The following PTPMT1 variants were observed in gnomAD, a reference collection of about 807,000 sequenced individuals.
PTPMT1 encodes protein tyrosine phosphatase mitochondrial 1.
A neutral mutation model predicts 17.8 loss-of-function variants in PTPMT1; 12 were observed. The ratio of observed to expected loss-of-function variants is 0.67; its 90% CI spans 0.43 to 1.09. The LOEUF is 1.09. Among genes scored for constraint, PTPMT1 ranks in the 50% least tolerant of loss-of-function variants. The pLI, the probability that PTPMT1 is intolerant of heterozygous loss-of-function variation, is 0.00. For missense variants in PTPMT1, 262 were observed against 266.0 expected, an observed-to-expected ratio of 0.99 and a Z score of 0.10; for synonymous variants, 132 against 116.8, an observed-to-expected ratio of 1.13 and a Z score of -0.84.
Position 47,569,834 on chromosome 11 carries a change from G to A in PTPMT1, c.390G>A (p.Val130=). The A allele has an allele frequency of 6.2e-7, 1 of 1,614,014 alleles. No homozygotes were observed. Among genetic ancestry groups the A allele is most frequent in the Non-Finnish European group, 8.5e-7 (1 of 1,180,022 alleles). ...AGTCGCTGGGCCAGTGTGTTTACGT[G>A]CATTGTAAGGCTGGGCGCTCCAGGA... ...KYQSLGQCVY[V]HCKAGRSRSA... is the part of the protein sequence containing the mutation. Residue 130 remains valine, a synonymous_variant, in exon 3 of 4, where the codon GTG becomes GTA. Coordinates refer to ENST00000326674, the MANE Select transcript of PTPMT1 (RefSeq NM_175732.3).
intron 2 of PTPMT1, among the ~76,000 whole-genome samples, chr11:47,566,748 G>A (rs7116487): frequency 1 from 151,447 of 152,198 alleles, 75,356 homozygotes; most frequent in Middle Eastern, 1. Flanking sequence ...CCCCTCCCCA[G>A]ATTTTTCATA....
intron 2 of PTPMT1, 152 bp from the exon 3 acceptor site, chr11:47,569,548 G>T (rs1057180225): frequency 3.7e-6 from 2 of 541,724 alleles, no homozygotes; most frequent in Admixed American, 3.8e-5. Flanking sequence ...TCTGTAAGAA[G>T]TTTCTATTTT....
Position 47,573,035 on chromosome 11 carries a change from T to C in PTPMT1, c.*1406T>C, listed in dbSNP as rs374200536. The C allele has an allele frequency of 2.4e-5, 38 of 1,614,022 alleles. No homozygotes were observed. In the African/African-American group the frequency reaches 4.1e-4, roughly 18 times the overall value. ...GCTTGTAGGTGTTGGCATCCCCCTT[T>C]TTATATCGGTCCCGGAAGACATAGA... On this transcript the variant is annotated 3_prime_UTR_variant, in exon 4 of 4. Coordinates refer to ENST00000326674, the MANE Select transcript of PTPMT1 (RefSeq NM_175732.3). This position sits in a 1 kb window ranked among gnomAD's most constrained non-coding sequence, Gnocchi z 4.1.
At chr11:47,569,214 C>T (rs1338396514) in intron 2 of PTPMT1, among the ~76,000 whole-genome samples, 6 of 151,190 alleles carry the variant, frequency 4.0e-5, no homozygotes, top group Non-Finnish European at 7.4e-5. Flanking sequence ...GATGAAACCC[C>T]GTCTCTACTA....
intron 2 of PTPMT1, 88 bp from the exon 3 acceptor site, chr11:47,569,612 T>C: frequency 9.8e-7 from 1 of 1,019,552 alleles, no homozygotes; most frequent in Non-Finnish European, 1.4e-6. Flanking sequence ...ACTTCCTTGT[T>C]GCTTTGCTGC....
intron 3 of PTPMT1, among the ~76,000 whole-genome samples, 190 bp from the exon 4 acceptor site, chr11:47,571,281 G>C (rs1425108208): frequency 6.6e-6 from 1 of 152,142 alleles, no homozygotes; most frequent in Non-Finnish European, 1.5e-5. Flanking sequence ...ATAGTATTGT[G>C]AGACTGGCTG....
At position 47,571,748 on chromosome 11, in the gene PTPMT1, T is replaced by C. The variant is rs2097249879; in HGVS notation, c.*119T>C. 2.2e-6 allele frequency: 2 copies of C among 891,026 alleles called. No homozygotes were observed. The highest frequency in any genetic ancestry group is 3.5e-6 in the Non-Finnish European group (2 of 570,918). 55.2% of individuals were successfully genotyped at this position (891,026 alleles called of 1,614,324 possible). A position where few individuals can be genotyped will look rare whatever the true frequency, so the allele number is the denominator to read the frequency against. ...GTAACAGAAATGTGCCAATAGGTAA[T>C]AGGTAATTTTTCTTTCTCTGACTTG... On this transcript the variant is annotated 3_prime_UTR_variant, in exon 4 of 4. Coordinates refer to ENST00000326674, the MANE Select transcript of PTPMT1 (RefSeq NM_175732.3).
chr11:47,565,640 G>A lies in PTPMT1; in HGVS notation c.18G>A (p.Leu6=). The A allele has an allele frequency of 7.4e-7, 1 of 1,346,444 alleles. No individual in the cohort carries two copies. The highest frequency in any genetic ancestry group is 9.5e-7 in the Non-Finnish European group (1 of 1,050,626). The allele number at this position is 1,346,444 out of a possible 1,614,324, so 83.4% of individuals were successfully genotyped here. A position where few individuals can be genotyped will look rare whatever the true frequency, so the allele number is the denominator to read the frequency against. Residue 6 remains leucine, a synonymous_variant, in exon 1 of 4, where the codon CTG becomes CTA. Coordinates refer to ENST00000326674, the MANE Select transcript of PTPMT1 (RefSeq NM_175732.3). MAATA[L]LEAGLARVLF... ...GGGCCGGGATGGCGGCCACCGCGCTGCTGGAGGCCGGCCTGGCGCGGGTGC... is the reference window on the plus strand; with the variant it reads ...GGGCCGGGATGGCGGCCACCGCGCTACTGGAGGCCGGCCTGGCGCGGGTGC...
intron 3 of PTPMT1, among the ~76,000 whole-genome samples, chr11:47,570,839 C>T (rs1366206713): frequency 1.3e-5 from 2 of 152,130 alleles, no homozygotes; most frequent in Non-Finnish European, 2.9e-5. Context: ...TAAGTCTGGC[C>T]TTGTGTTACT....
At position 47,565,660 on chromosome 11, in the gene PTPMT1, G is replaced by C. The variant is rs936575789; in HGVS notation, c.38G>C (p.Arg13Pro). The change falls in exon 1 of 4, where the codon CGG becomes CCG. Residue 13 changes from arginine to proline, a missense_variant. Transcript: ENST00000326674. Reference protein sequence around the residue: ...ATALLEAGLARVLFYPTLLYT... With the variant: ...ATALLEAGLAPVLFYPTLLYT... ...GCGCTGCTGGAGGCCGGCCTGGCGC[G>C]GGTGCTCTTCTACCCGACGCTGCTC... The C allele has an allele frequency of 1.4e-6, 2 of 1,385,884 alleles. No individual in the cohort carries two copies. Among genetic ancestry groups the C allele is most frequent in the Non-Finnish European group, 1.9e-6 (2 of 1,070,594 alleles). 85.8% of individuals were successfully genotyped at this position (1,385,884 alleles called of 1,614,324 possible). A position where few individuals can be genotyped will look rare whatever the true frequency, so the allele number is the denominator to read the frequency against.
In PTPMT1 at chr11:47,572,878, T is replaced by A. The variant is rs1175279941; in HGVS notation, c.*1249T>A. The A allele has an allele frequency of 1.6e-5, 25 of 1,560,006 alleles. No individual in the cohort carries two copies. The highest frequency in any genetic ancestry group is 2.1e-5 in the Non-Finnish European group (24 of 1,152,098). The stretch of plus-strand genomic sequence containing the variant: ...GAATTGGGGCCCAGGGGACTTTGAG[T>A]TTGTATGGGGAGGGAAAAGGAGTGA... On this transcript the variant is annotated 3_prime_UTR_variant, in exon 4 of 4. Coordinates refer to ENST00000326674, the MANE Select transcript of PTPMT1 (RefSeq NM_175732.3).
Position 47,572,719 on chromosome 11 carries a change from G to C in PTPMT1, c.*1090G>C, listed in dbSNP as rs1246065558. The C allele has an allele frequency of 1.0e-5, 6 of 590,512 alleles. No individual in the cohort carries two copies. Among genetic ancestry groups the C allele is most frequent in the Non-Finnish European group, 1.8e-5 (6 of 335,428 alleles). The allele number at this position is 590,512 out of a possible 1,614,324, so 36.6% of individuals were successfully genotyped here. On this transcript the variant is annotated 3_prime_UTR_variant, in exon 4 of 4. Coordinates refer to ENST00000326674, the MANE Select transcript of PTPMT1 (RefSeq NM_175732.3). ...GATGACTAGGGAATGGCAGAGAACA[G>C]GCTGGCCTACTGTCAGTTCAAGCAA...
Position 47,572,395 on chromosome 11 carries a change from A to T in PTPMT1, c.*766A>T, listed in dbSNP as rs1398971063. ...AAGTTACATTTCCTGACAGATGGAT[A>T]AGAAAACAATAGAAGGAACATCCTG... On this transcript the variant is annotated 3_prime_UTR_variant, in exon 4 of 4. Coordinates refer to ENST00000326674, the MANE Select transcript of PTPMT1 (RefSeq NM_175732.3). 1 of 153,336 alleles carries T rather than the reference A, an allele frequency of 6.5e-6. No homozygotes were observed. The highest frequency in any genetic ancestry group is 6.5e-5 in the Admixed American group (1 of 15,340). 9.5% of individuals were successfully genotyped at this position (153,336 alleles called of 1,614,324 possible).
chr11:47,570,282 G>A (rs1425105107), intron 3 of PTPMT1, among the ~76,000 whole-genome samples: 1 of 152,072 alleles, frequency 6.6e-6, no homozygotes, highest in African/African-American at 2.4e-5. Flanking sequence ...CTTGTTGGAA[G>A]GAGCTGTGTG....
chr11:47,565,710 C>T lies in PTPMT1; in HGVS notation c.88C>T (p.Pro30Ser), dbSNP rs867706647. The T allele has an allele frequency of 6.4e-7, 1 of 1,572,114 alleles. No individual in the cohort carries two copies. Among genetic ancestry groups the T allele is most frequent in the South Asian group, 1.2e-5 (1 of 85,250 alleles). Residue 30 changes from proline (P) to serine (S), a missense_variant, in exon 1 of 4, where the codon CCG (proline) becomes TCG (serine). By Grantham distance (74) the Pro-to-Ser change is moderately conservative. Coordinates refer to ENST00000326674, the MANE Select transcript of PTPMT1 (RefSeq NM_175732.3). The part of the protein sequence containing the change: ...LLYTLFRGKV[P>S]GRAHRDWYHR... ...CTACACCCTGTTCCGCGGGAAGGTG[C>T]CGGGTCGGGCGCACCGGGACTGGTA...
intron 2 of PTPMT1, among the ~76,000 whole-genome samples, chr11:47,567,534 C>T (rs1163052196): frequency 6.6e-6 from 1 of 151,004 alleles, no homozygotes. Flanking sequence ...GCCCAGTTGC[C>T]AGAGACCTTA....
Position 47,572,931 on chromosome 11 carries a change from T to G in PTPMT1, c.*1302T>G. 6.2e-7 allele frequency: 1 copy of G among 1,611,876 alleles called. No individual in the cohort carries two copies. Among genetic ancestry groups the G allele is most frequent in the South Asian group, 1.1e-5 (1 of 90,782 alleles). On this transcript the variant is annotated 3_prime_UTR_variant, in exon 4 of 4. Transcript: ENST00000326674. ...AGTTCTCCTCCCCTCCCCACAGCCT[T>G]AGGCCAACACAAACTGCAAATTGGT...
chr11:47,566,105 A>C, intron 2 of PTPMT1, 119 bp downstream of exon 2: 20 of 1,168,252 alleles, frequency 1.7e-5, no homozygotes, highest in Non-Finnish European at 1.9e-5. Flanking sequence ...CAGGTGTCTC[A>C]AGCTGCTTTG....
chr11:47,566,431 C>T (rs755815033), intron 2 of PTPMT1, among the ~76,000 whole-genome samples: 1 of 148,226 alleles, frequency 6.7e-6, no homozygotes, highest in South Asian at 2.1e-4. Context: ...TGCAGTGAGC[C>T]GACATCTCGC....
Sources: gnomAD v4.1 joint callset for allele counts (sites outside exome capture counted in the v4.1 genomes callset) on GRCh38, gnomAD v4.1.1 for gene constraint, Gnocchi (gnomAD v3.1) non-coding constraint, MANE v1.5 for transcripts, NCBI Gene and HGNC (gene_info 2026-07-23, HGNC 2026-07-21) for gene names.